The following FBXW7 variants were observed in gnomAD, a reference collection of about 807,000 sequenced individuals.
FBXW7 encodes F-box/WD repeat-containing protein 7.
In FBXW7, 11 loss-of-function variants were observed where a neutral mutation model predicts 86.3. The observed-to-expected ratio is 0.13, with a 90% CI of 0.08 to 0.21. The LOEUF (loss-of-function observed/expected upper bound fraction) is 0.21. Among genes scored for constraint, FBXW7 ranks in the 10% least tolerant of loss-of-function variants. The pLI, the probability that FBXW7 is intolerant of heterozygous loss-of-function variation, is 1.00. For synonymous variants in FBXW7, 313 were observed against 297.9 expected (o/e 1.05, Z -0.52); for missense variants, 488 against 847.4 (o/e 0.58, Z 5.27).
At chr4:152,451,725 G>A (rs1741924598) in intron 2 of FBXW7, 2 of 151,436 alleles carry the variant, frequency 1.3e-5, no homozygotes, top group East Asian at 3.9e-4. Flanking sequence ...CCAGGAGGTG[G>A]AGGCTGCAGT....
At chr4:152,451,104 T>G (rs1741871654) in intron 2 of FBXW7, among the ~76,000 whole-genome samples, 1 of 152,158 alleles carries the variant, frequency 6.6e-6, no homozygotes, top group African/African-American at 2.4e-5. Context: ...GGTTTAAAAA[T>G]TAGAAGAAAA....
chr4:152,378,960 G>C (rs982962147), intron 4 of FBXW7, among the ~76,000 whole-genome samples: 1 of 152,036 alleles, frequency 6.6e-6, no homozygotes, highest in African/African-American at 2.4e-5. Flanking sequence ...AAGCCAAGAT[G>C]GCGCCACTAC....
chr4:152,419,812 TA>T lies in FBXW7; in HGVS notation c.-119-7284del, dbSNP rs761813429. Among the ~76,000 whole-genome samples, 17 of 152,062 alleles carry T rather than the reference TA, an allele frequency of 1.1e-4. No homozygotes were observed. The East Asian group carries it at 1.2e-3, about 10-fold the overall frequency. ...ATTAAGTGTGTAATAGCATTATGTGTAAAAAAAATGTACATACCTTAATTTA... is the reference window on the plus strand; with the variant it reads ...ATTAAGTGTGTAATAGCATTATGTGTAAAAAAATGTACATACCTTAATTTA... On this transcript the variant is annotated intron_variant, in intron 2 of 13. Coordinates refer to ENST00000281708, the MANE Select transcript of FBXW7 (RefSeq NM_001349798.2).
In FBXW7 at chr4:152,362,070, T is replaced by A. The variant is rs141840667; in HGVS notation, c.502-11946A>T. Among the ~76,000 whole-genome samples the A allele has an allele frequency of 4.9e-3, 745 of 152,010 alleles. 4 individuals carry two copies. The highest frequency in any genetic ancestry group is 0.016 in the African/African-American group (680 of 41,468). The stretch of plus-strand genomic sequence containing the variant: ...ATTCTAAAAACTCCTTTATGTGGAA[T>A]GAATATCATAAGTTTCCCACCAGTT... On this transcript the variant is annotated intron_variant, in intron 4 of 13. Coordinates refer to ENST00000281708, the MANE Select transcript of FBXW7 (RefSeq NM_001349798.2).
intron 2 of FBXW7, among the ~76,000 whole-genome samples, chr4:152,417,334 A>G (rs1738529511): frequency 6.6e-6 from 1 of 152,186 alleles, no homozygotes; most frequent in Non-Finnish European, 1.5e-5. Flanking sequence ...ATGGAATCAT[A>G]TTCTAGCTAG....
At chr4:152,450,874 T>C (rs1470540738) in intron 2 of FBXW7, among the ~76,000 whole-genome samples, 2 of 152,218 alleles carry the variant, frequency 1.3e-5, no homozygotes, top group Non-Finnish European at 2.9e-5. Context: ...TTCAAAGGTA[T>C]AGAATACTTG....
At chr4:152,425,123 T>A (rs1007447095) in intron 2 of FBXW7, among the ~76,000 whole-genome samples, 6 of 152,232 alleles carry the variant, frequency 3.9e-5, no homozygotes, top group African/African-American at 1.4e-4. Context: ...TTTTCACTGC[T>A]GCCAAAATAA....
chr4:152,493,069 A>G (rs753772763), intron 2 of FBXW7, among the ~76,000 whole-genome samples: 1 of 151,808 alleles, frequency 6.6e-6, no homozygotes, highest in Non-Finnish European at 1.5e-5. Context: ...ACTTTTAATA[A>G]CCAAGCAGAA....
intron 4 of FBXW7, among the ~76,000 whole-genome samples, chr4:152,383,367 TAA>T (rs1560831300): frequency 6.6e-6 from 1 of 152,098 alleles, no homozygotes; most frequent in African/African-American, 2.4e-5. Flanking sequence ...CGGCCTAAGA[TAA>T]AGTCTGGAGA....
chr4:152,515,960 A>G (rs1249340232), intron 2 of FBXW7, among the ~76,000 whole-genome samples: 1 of 152,210 alleles, frequency 6.6e-6, no homozygotes, highest in East Asian at 1.9e-4. Flanking sequence ...TAAGGAGCTC[A>G]AAGTGGTCCC....
At chr4:152,333,672 GT>G (rs1321703805) in intron 7 of FBXW7, among the ~76,000 whole-genome samples, 1 of 152,058 alleles carries the variant, frequency 6.6e-6, no homozygotes, top group Middle Eastern at 3.2e-3. Flanking sequence ...CACACAGGGA[GT>G]AAAAGCACAA....
intron 2 of FBXW7, among the ~76,000 whole-genome samples, chr4:152,501,250 G>C (rs893777755): frequency 6.6e-6 from 1 of 152,148 alleles, no homozygotes; most frequent in Non-Finnish European, 1.5e-5. Context: ...AATGCACTTT[G>C]GAAACCATCT....
intron 2 of FBXW7, among the ~76,000 whole-genome samples, chr4:152,504,156 CA>C (rs1209445206): frequency 6.6e-6 from 1 of 151,760 alleles, no homozygotes; most frequent in Non-Finnish European, 1.5e-5. Flanking sequence ...CTTGAAGCAC[CA>C]AAGAAAGGTA....
At chr4:152,374,708 G>A (rs112437406) in intron 4 of FBXW7, among the ~76,000 whole-genome samples, 185 of 152,134 alleles carry the variant, frequency 1.2e-3, no homozygotes, top group African/African-American at 4.3e-3. Flanking sequence ...TCATTGAGCA[G>A]CCCATATAGT....
chr4:152,403,586 G>A (rs1737137596), intron 4 of FBXW7, among the ~76,000 whole-genome samples: 1 of 152,084 alleles, frequency 6.6e-6, no homozygotes, highest in Admixed American at 6.5e-5. Flanking sequence ...GGAAGTGGGG[G>A]GATGGTTTGG....
intron 4 of FBXW7, among the ~76,000 whole-genome samples, chr4:152,400,785 A>G (rs1216317967): frequency 6.6e-6 from 1 of 152,262 alleles, no homozygotes; most frequent in East Asian, 1.9e-4. Flanking sequence ...CATAAGCCAC[A>G]GACTGGAAGA....
chr4:152,454,252 C>CA (rs1037013736), intron 2 of FBXW7, among the ~76,000 whole-genome samples: 3 of 85,116 alleles, frequency 3.5e-5, no homozygotes, highest in African/African-American at 1.7e-4. Flanking sequence ...ACTCTCTAAG[C>CA]CCCCCCCCCC....
chr4:152,404,910 T>C (rs926206321), intron 4 of FBXW7, among the ~76,000 whole-genome samples: 2 of 151,448 alleles, frequency 1.3e-5, no homozygotes, highest in Non-Finnish European at 2.9e-5. Flanking sequence ...GTGGGCAACA[T>C]AGTAAGACCT....
chr4:152,494,197 TTAGA>T (rs554955055), intron 2 of FBXW7, among the ~76,000 whole-genome samples: 2 of 152,222 alleles, frequency 1.3e-5, no homozygotes, highest in South Asian at 4.1e-4. Context: ...GGAGAAAGCC[TTAGA>T]TAGAAAGCAA....
Sources: allele counts gnomAD v4.1 joint callset (sites outside exome capture counted in the v4.1 genomes callset), GRCh38; gene constraint gnomAD v4.1.1; transcripts MANE v1.5; gene names NCBI Gene and HGNC (gene_info 2026-07-23, HGNC 2026-07-21).